Variants in SCN1A observed in about 807,000 individuals in gnomAD.
SCN1A encodes the protein sodium channel protein type 1 subunit alpha.
Under a neutral mutation model 193.7 loss-of-function variants are expected in SCN1A, and 13 were observed. The ratio of observed to expected loss-of-function variants is 0.07; its 90% CI spans 0.04 to 0.11. SCN1A has a LOEUF of 0.11. Ranked by LOEUF, SCN1A falls within the 10% of genes least tolerant of loss-of-function variation. SCN1A has a pLI of 1.00. For missense variants in SCN1A, 1,432 were observed against 2,451.1 expected, an observed-to-expected ratio of 0.58 and a Z score of 8.78; for synonymous variants, 781 against 843.6, an observed-to-expected ratio of 0.93 and a Z score of 1.29.
chr2:165,998,272 C>A, intron 25 of SCN1A, 97 bp from the exon 26 acceptor site: 1 of 1,034,850 alleles, frequency 9.7e-7, no homozygotes, highest in Non-Finnish European at 1.4e-6. Context: ...ATTATTCTTA[C>A]TAATATGTCA....
rs574796600 is a variant in SCN1A at position 166,031,405 on chromosome 2, A to T, written c.3429+4643T>A. Reference sequence around the variant, plus strand: ...AATTCCAAACTACTAATTGTCTCCAAATACATCCTCTTGCTTCCTGTCTTT... The same window carrying T: ...AATTCCAAACTACTAATTGTCTCCATATACATCCTCTTGCTTCCTGTCTTT... On this transcript the variant is annotated intron_variant, in intron 19 of 28. Transcript: ENST00000674923. Among the ~76,000 whole-genome samples the T allele has an allele frequency of 3.9e-5, 6 of 152,192 alleles. No homozygotes were observed. The South Asian group carries it at 1.0e-3, about 26-fold the overall frequency.
At chr2:166,053,038 C>T in intron 7 of SCN1A, 95 bp from the exon 8 acceptor site, 2 of 1,411,942 alleles carry the variant, frequency 1.4e-6, no homozygotes, top group Non-Finnish European at 2.0e-6. Context: ...TCACTTCTTA[C>T]CTGGAATTAC....
Position 165,991,302 on chromosome 2 carries a change from CT to C in SCN1A, c.5972del (p.Lys1991SerfsTer21), listed in dbSNP as rs1388173033. On this transcript the variant is annotated frameshift_variant, in exon 29 of 29. Transcript: ENST00000674923. LOFTEE classifies it high-confidence loss of function. The stretch of plus-strand genomic sequence containing the variant: ...CTTGCTCATGTTTTTCCACAATTGG[CT>C]TTGTCACCCGGTCATAGGAAGGTGG... Reference protein sequence around the residue: ...ACPPSYDRVTKPIVEKHEQEG... With the variant: ...ACPPSYDRVTXPIVEKHEQEG... 1.2e-6 allele frequency: 2 copies of C among 1,613,598 alleles called. No homozygotes were observed. The highest frequency in any genetic ancestry group is 1.3e-5 in the African/African-American group (1 of 74,956).
chr2:166,043,769 T>C lies in SCN1A; in HGVS notation c.1943A>G (p.Asn648Ser). 1 of 1,614,154 alleles carries C rather than the reference T, an allele frequency of 6.2e-7. No individual in the cohort carries two copies. The highest frequency in any genetic ancestry group is 8.5e-7 in the Non-Finnish European group (1 of 1,180,020). ...TCCACCAACCAAGGAAACCACACCA[T>C]TGCAATCCACAGTGCTGTGCATCTT... The part of the protein sequence containing the change: ...NGKMHSTVDC[N>S]GVVSLVGGPS... Residue 648 changes from asparagine to serine, a missense_variant, in exon 14 of 29, where the codon AAT becomes AGT. By Grantham distance (46) the Asn-to-Ser change is conservative. Transcript: ENST00000674923.
intron 6 of SCN1A, among the ~76,000 whole-genome samples, chr2:166,055,297 T>G (rs1477905508): frequency 6.6e-6 from 1 of 151,764 alleles, no homozygotes; most frequent in Non-Finnish European, 1.5e-5. Context: ...TAATTTAGAA[T>G]AAAATTCTTC....
chr2:166,124,343 G>A (rs1690986742), intron 2 of SCN1A, among the ~76,000 whole-genome samples: 2 of 151,880 alleles, frequency 1.3e-5, no homozygotes, highest in Non-Finnish European at 2.9e-5. Flanking sequence ...GAGGTCAGGA[G>A]ATCGAGACTA....
intron 1 of SCN1A, 111 bp downstream of exon 1, chr2:166,127,660 C>CA (rs1259669338): frequency 5.3e-5 from 8 of 152,130 alleles, no homozygotes; most frequent in Non-Finnish European, 1.2e-4. Context: ...AATACACATA[C>CA]AAAAATGGAC....
chr2:166,098,894 A>G (rs1286776735), intron 2 of SCN1A, among the ~76,000 whole-genome samples: 2 of 152,242 alleles, frequency 1.3e-5, no homozygotes, highest in African/African-American at 4.8e-5. Flanking sequence ...TTCCATGCTC[A>G]TGGGTAGGAA....
At position 165,988,018 on chromosome 2, in the gene SCN1A, C is replaced by A. The variant is rs1161738788; in HGVS notation, c.*3227G>T. ...TCCATTGTACAAGGATGGGAAAAGC[C>A]TTTTAATTACTGTCCCTTTTCTGGT... On this transcript the variant is annotated 3_prime_UTR_variant, in exon 29 of 29. Coordinates refer to ENST00000674923, the MANE Select transcript of SCN1A (RefSeq NM_001165963.4). 2 of 152,176 alleles carry A rather than the reference C, an allele frequency of 1.3e-5. No individual in the cohort carries two copies. The highest frequency in any genetic ancestry group is 1.9e-4 in the East Asian group (1 of 5,160). 9.4% of individuals were successfully genotyped at this position (152,176 alleles called of 1,614,324 possible). A position where few individuals can be genotyped will look rare whatever the true frequency, so the allele number is the denominator to read the frequency against.
intron 27 of SCN1A, among the ~76,000 whole-genome samples, 191 bp from the exon 28 acceptor site, chr2:165,994,607 T>A (rs1689756256): frequency 1.3e-5 from 2 of 151,836 alleles, no homozygotes; most frequent in Non-Finnish European, 2.9e-5. Context: ...CTAATGTGTA[T>A]TTCTCAGAAT....
At chr2:166,038,191 A>C (rs532189667) in intron 17 of SCN1A, 59 bp from the exon 18 acceptor site, 3 of 1,274,748 alleles carry the variant, frequency 2.4e-6, no homozygotes, top group East Asian at 2.5e-5. Context: ...ATATATATTG[A>C]GCTTTACCTA....
chr2:166,062,362 T>C (rs1683398412), intron 4 of SCN1A, among the ~76,000 whole-genome samples: 1 of 152,170 alleles, frequency 6.6e-6, no homozygotes, highest in African/African-American at 2.4e-5. Context: ...AGAATGTCAG[T>C]CTTATTATAT....
At chr2:166,012,398 A>G in intron 21 of SCN1A, 116 bp from the exon 22 acceptor site, 1 of 797,528 alleles carries the variant, frequency 1.3e-6, no homozygotes, top group South Asian at 1.7e-5. Context: ...GCAGAGAAAC[A>G]GTAGTTACTG....
At chr2:166,108,503 A>G (rs1287685115) in intron 2 of SCN1A, among the ~76,000 whole-genome samples, 1 of 152,110 alleles carries the variant, frequency 6.6e-6, no homozygotes, top group Admixed American at 6.6e-5. Context: ...GAAGACTTAT[A>G]TGGACATGTT....
chr2:166,027,964 C>A (rs1695031473), intron 19 of SCN1A, among the ~76,000 whole-genome samples: 1 of 152,140 alleles, frequency 6.6e-6, no homozygotes, highest in South Asian at 2.1e-4. Flanking sequence ...AATATTAACT[C>A]ATTAATTCCC....
At chr2:165,997,346 TACA>T (rs907114539) in intron 26 of SCN1A, among the ~76,000 whole-genome samples, 1 of 151,320 alleles carries the variant, frequency 6.6e-6, no homozygotes, top group Non-Finnish European at 1.5e-5. Flanking sequence ...AGATAAAAAG[TACA>T]ACAATAAGAG....
intron 2 of SCN1A, among the ~76,000 whole-genome samples, chr2:166,102,448 A>ATC (rs2106150295): frequency 6.6e-6 from 1 of 150,630 alleles, no homozygotes; most frequent in Non-Finnish European, 1.5e-5. Flanking sequence ...GTGAGCCGAG[A>ATC]TCGCTCCACA....
chr2:166,101,485 T>TG lies in SCN1A; in HGVS notation c.-141-23685dup, dbSNP rs1339879318. Among the ~76,000 whole-genome samples the TG allele has an allele frequency of 2.4e-5, 3 of 126,674 alleles. No individual in the cohort carries two copies. The Admixed American group carries it at 2.5e-4, about 11-fold the overall frequency. 83.1% of individuals were successfully genotyped at this position (126,674 alleles called of 152,430 possible). ...GTAACTAACCTGCACAATGTGCACA[T>TG]GTACCCTAAAACTTAAAGTATAATT... is the stretch of plus-strand genomic sequence containing the variant. On this transcript the variant is annotated intron_variant, in intron 2 of 28. Coordinates refer to ENST00000674923, the MANE Select transcript of SCN1A (RefSeq NM_001165963.4).
At position 166,127,870 on chromosome 2, in the gene SCN1A, C is replaced by A. The variant is rs1691429843; in HGVS notation, c.-328G>T. 6.6e-6 allele frequency: 1 copy of A among 152,094 alleles called. No individual in the cohort carries two copies. The allele number at this position is 152,094 out of a possible 1,614,324, so 9.4% of individuals were successfully genotyped here. ...TCAGTTGCAATTGTTCAGATTCCTT[C>A]TTGCAAAAGGTGTCAAAGTATTTAC... On this transcript the variant is annotated 5_prime_UTR_variant, in exon 1 of 29. Coordinates refer to ENST00000674923, the MANE Select transcript of SCN1A (RefSeq NM_001165963.4).
Sources: gnomAD v4.1 joint callset for allele counts (sites outside exome capture counted in the v4.1 genomes callset) on GRCh38, gnomAD v4.1.1 for gene constraint, MANE v1.5 for transcripts, NCBI Gene and HGNC (gene_info 2026-07-23, HGNC 2026-07-21) for gene names.